The following ENTREP2 variants were observed in gnomAD, a reference collection of about 807,000 sequenced individuals.
The protein encoded by ENTREP2 is protein ENTREP2.
the ENTREP2 span, among the ~76,000 whole-genome samples, chr15:29,459,391 T>C: frequency 5.9e-5 from 9 of 152,294 alleles, no homozygotes; most frequent in African/African-American, 1.9e-4. Flanking sequence ...TCCCATCATC[T>C]GCCCTGAGGA....
chr15:29,409,632 CTTT>C, the ENTREP2 span, among the ~76,000 whole-genome samples: 5 of 147,214 alleles, frequency 3.4e-5, no homozygotes, highest in African/African-American at 7.5e-5. Context: ...GCCTATTTTT[CTTT>C]TTTTTTTTTT....
the ENTREP2 span, among the ~76,000 whole-genome samples, chr15:29,425,760 G>A: frequency 2.6e-5 from 4 of 151,822 alleles, no homozygotes; most frequent in African/African-American, 7.3e-5. Flanking sequence ...TTAAATCTAT[G>A]TTTGAAATTA....
At chr15:29,421,559 T>C in the ENTREP2 span, among the ~76,000 whole-genome samples, 1 of 152,228 alleles carries the variant, frequency 6.6e-6, no homozygotes, top group Non-Finnish European at 1.5e-5. Flanking sequence ...TATTTGCTAT[T>C]TGACTTTTTA....
the ENTREP2 span, among the ~76,000 whole-genome samples, chr15:29,319,535 A>G: frequency 6.6e-6 from 1 of 152,242 alleles, no homozygotes; most frequent in Non-Finnish European, 1.5e-5. Context: ...TGAGAAATTC[A>G]TCTGGAATAA....
At chr15:29,343,833 C>A in the ENTREP2 span, among the ~76,000 whole-genome samples, 5 of 151,950 alleles carry the variant, frequency 3.3e-5, no homozygotes, top group African/African-American at 4.8e-5. Flanking sequence ...GCAAAATCAA[C>A]TTTTAGGTAT....
At chr15:29,152,737 G>A in the ENTREP2 span, among the ~76,000 whole-genome samples, 1 of 152,180 alleles carries the variant, frequency 6.6e-6, no homozygotes, top group East Asian at 1.9e-4. Flanking sequence ...AAATAAAGCT[G>A]TTGTGAGCCT....
chr15:29,581,537 C>T, the ENTREP2 span, among the ~76,000 whole-genome samples: 2 of 152,184 alleles, frequency 1.3e-5, no homozygotes, highest in African/African-American at 4.8e-5. Flanking sequence ...TGTGGCCCAG[C>T]AAAGTTGACA....
At chr15:29,295,121 T>C in the ENTREP2 span, among the ~76,000 whole-genome samples, 2 of 152,210 alleles carry the variant, frequency 1.3e-5, no homozygotes, top group South Asian at 4.1e-4. Context: ...GAAAAACCCA[T>C]GTAAATCAGG....
the ENTREP2 span, among the ~76,000 whole-genome samples, chr15:29,388,478 A>C: frequency 0.013 from 1,989 of 152,338 alleles, 50 homozygotes; most frequent in African/African-American, 0.046. Flanking sequence ...CAGGTGCCGG[A>C]GAGGACGTAG....
At chr15:29,123,118 T>C in the ENTREP2 span, 11 of 528,068 alleles carry the variant, frequency 2.1e-5, no homozygotes, top group Admixed American at 3.4e-4. Context: ...ATTACTGGGC[T>C]AGGCAGGAAA....
chr15:29,217,901 G>T, the ENTREP2 span, among the ~76,000 whole-genome samples: 29 of 152,268 alleles, frequency 1.9e-4, no homozygotes, highest in African/African-American at 6.0e-4. Flanking sequence ...GTCTAGGGCT[G>T]AAGGCTGTTG....
chr15:29,310,125 A>AG, the ENTREP2 span, among the ~76,000 whole-genome samples: 4 of 152,070 alleles, frequency 2.6e-5, no homozygotes, highest in African/African-American at 9.7e-5. Context: ...TGAACTAGAA[A>AG]GGGGGGGCAG....
At chr15:29,603,712 C>G in the ENTREP2 span, among the ~76,000 whole-genome samples, 1 of 152,226 alleles carries the variant, frequency 6.6e-6, no homozygotes, top group Middle Eastern at 3.4e-3. Flanking sequence ...GATCTTGGCT[C>G]ACTGCAACCT....
the ENTREP2 span, among the ~76,000 whole-genome samples, chr15:29,209,752 C>T: frequency 6.6e-6 from 1 of 152,102 alleles, no homozygotes; most frequent in Non-Finnish European, 1.5e-5. Flanking sequence ...CTGAGCATCT[C>T]CCTCTGCTCT....
chr15:29,243,612 C>T, the ENTREP2 span, among the ~76,000 whole-genome samples: 1 of 151,920 alleles, frequency 6.6e-6, no homozygotes, highest in Non-Finnish European at 1.5e-5. Flanking sequence ...CTCAAATTCC[C>T]CATTTCCTCC....
the ENTREP2 span, among the ~76,000 whole-genome samples, chr15:29,142,853 A>AG: frequency 6.6e-6 from 1 of 151,876 alleles, no homozygotes; most frequent in Non-Finnish European, 1.5e-5. Context: ...TGGAAGAATG[A>AG]GATGACATTT....
At chr15:29,213,946 C>T in the ENTREP2 span, among the ~76,000 whole-genome samples, 1 of 152,284 alleles carries the variant, frequency 6.6e-6, no homozygotes, top group East Asian at 1.9e-4. Flanking sequence ...AAATGCTCAA[C>T]ATCACTGGCC....
At chr15:29,542,389 C>A in the ENTREP2 span, among the ~76,000 whole-genome samples, 2 of 151,982 alleles carry the variant, frequency 1.3e-5, no homozygotes, top group African/African-American at 2.4e-5. Context: ...AGCTCCACTT[C>A]CCGGGTTCAC....
the ENTREP2 span, among the ~76,000 whole-genome samples, chr15:29,159,302 C>G: frequency 6.6e-6 from 1 of 152,144 alleles, no homozygotes; most frequent in African/African-American, 2.4e-5. Context: ...GGTTCGTGGT[C>G]TCGCTGGCTC....
Sources: gnomAD v4.1 joint callset for allele counts (sites outside exome capture counted in the v4.1 genomes callset) on GRCh38, gnomAD v4.1.1 for gene constraint, MANE v1.5 for transcripts, NCBI Gene and HGNC (gene_info 2026-07-23, HGNC 2026-07-21) for gene names.